Variants in SYNPO observed in about 807,000 individuals in gnomAD.
SYNPO encodes the protein synaptopodin.
SYNPO carries 19 observed loss-of-function variants against 49.5 expected under a neutral mutation model. That is an observed-to-expected ratio of 0.38 (90% CI 0.27 to 0.56). The LOEUF is 0.56. Ranked by LOEUF, SYNPO falls within the 20% of genes least tolerant of loss-of-function variation. The probability of loss-of-function intolerance (pLI) is 0.68; values close to 1 mark genes in which losing one functional copy is unlikely to be tolerated. For missense variants in SYNPO, 1,131 were observed against 1,248.3 expected (o/e 0.91, Z 1.42); for synonymous variants, 536 against 548.0 (o/e 0.98, Z 0.31).
chr5:150,635,598 A>G (rs1407823761), intron 2 of SYNPO, among the ~76,000 whole-genome samples: 5 of 152,092 alleles, frequency 3.3e-5, no homozygotes, highest in Admixed American at 1.3e-4. Flanking sequence ...CCCCTCAGAT[A>G]GCTGGGATTA....
At chr5:150,631,420 A>G (rs1354310154) in intron 2 of SYNPO, among the ~76,000 whole-genome samples, 2 of 152,136 alleles carry the variant, frequency 1.3e-5, no homozygotes, top group African/African-American at 4.8e-5. Context: ...GAGCTCTAGG[A>G]AAAGGAGCAG....
At chr5:150,636,132 C>T (rs1351184724), upstream of SYNPO, among the ~76,000 whole-genome samples, 8 of 152,296 alleles carry the variant, frequency 5.3e-5, no homozygotes, top group South Asian at 4.1e-4. Context: ...TGCCTGTGAA[C>T]GGTGCCTGGC....
intron 2 of SYNPO, among the ~76,000 whole-genome samples, chr5:150,632,882 G>A (rs1033266438): frequency 1.3e-5 from 2 of 152,282 alleles, no homozygotes; most frequent in Admixed American, 1.3e-4. Flanking sequence ...CCCTCCTAGC[G>A]TGGCCTTCAT....
At chr5:150,618,132 C>T (rs533021569) in exon 2 of SYNPO, 15 of 487,042 alleles carry the variant, frequency 3.1e-5, no homozygotes, top group Non-Finnish European at 4.2e-5. Flanking sequence ...ACACCAGAGA[C>T]GGGTTAAGAA....
At chr5:150,628,057 T>TGTGTGTGTGTGTGG (rs979682145) in intron 2 of SYNPO, among the ~76,000 whole-genome samples, 2 of 147,056 alleles carry the variant, frequency 1.4e-5, no homozygotes, top group African/African-American at 5.3e-5. Context: ...TGTGTGTGTG[T>TGTGTGTGTGTGTGG]GTGTGTGTGG....
At chr5:150,650,465 C>A (rs1312817848) in intron 2 of SYNPO, 162 bp downstream of exon 2, 1 of 1,517,286 alleles carries the variant, frequency 6.6e-7, no homozygotes, top group Non-Finnish European at 8.9e-7. Context: ...TCAGATGCGG[C>A]CACCAGCTGG....
rs370323025 is a variant in SYNPO at position 150,648,823 on chromosome 5, C to G, written c.548C>G (p.Pro183Arg). ...EATLIPSSRP[P>R]ASDFMSSSLL... ...ACGCTCATCCCCAGCTCCAGGCCCCCAGCCTCAGATTTCATGTCCAGCTCC... is the reference window on the plus strand; with the variant it reads ...ACGCTCATCCCCAGCTCCAGGCCCCGAGCCTCAGATTTCATGTCCAGCTCC... Residue 183 changes from proline to arginine, a missense_variant, in exon 2 of 3, where the codon CCA (proline) becomes CGA (arginine). Coordinates refer to ENST00000307662, the MANE Select transcript of SYNPO (RefSeq NM_007286.6). This position sits in a 1 kb window ranked among gnomAD's most constrained non-coding sequence, Gnocchi z 5.0. 1 of 1,614,252 alleles carries G rather than the reference C, an allele frequency of 6.2e-7. No homozygotes were observed. The highest frequency in any genetic ancestry group is 8.5e-7 in the Non-Finnish European group (1 of 1,180,042).
At chr5:150,592,019 G>C in the SYNPO span, among the ~76,000 whole-genome samples, 3 of 152,164 alleles carry the variant, frequency 2.0e-5, no homozygotes, top group Non-Finnish European at 2.9e-5. Flanking sequence ...TACAAAATTG[G>C]CTGGGCATGG....
At chr5:150,635,328 A>G (rs1346119502) in intron 2 of SYNPO, among the ~76,000 whole-genome samples, 1 of 152,188 alleles carries the variant, frequency 6.6e-6, no homozygotes, top group Non-Finnish European at 1.5e-5. Flanking sequence ...GCAGAGGAGG[A>G]TGTGCTGCTG....
In SYNPO at chr5:150,658,703, G is replaced by A. The variant is rs33409; in HGVS notation, c.*1616G>A. 69,672 of 152,264 alleles carry A rather than the reference G, an allele frequency of 0.46. 16,169 individuals carry two copies. The highest frequency in any genetic ancestry group is 0.48 in the Admixed American group (7,351 of 15,284). 9.4% of individuals were successfully genotyped at this position (152,264 alleles called of 1,614,324 possible). On this transcript the variant is annotated 3_prime_UTR_variant, in exon 3 of 3. Transcript: ENST00000307662. ...GGACAGTTTGGGTTTGGGACTTACC[G>A]GGGTGATGTTAGATCTGGAACCCCC... is the stretch of plus-strand genomic sequence containing the variant.
intron 2 of SYNPO, chr5:150,650,728 C>T (rs1758346528): frequency 7.5e-7 from 1 of 1,328,044 alleles, no homozygotes; most frequent in Admixed American, 3.6e-5. Flanking sequence ...CAGACAGAGC[C>T]TGCCAGTGCC....
intron 1 of SYNPO, among the ~76,000 whole-genome samples, chr5:150,607,187 G>A (rs1334931691): frequency 6.6e-6 from 1 of 152,096 alleles, no homozygotes; most frequent in African/African-American, 2.4e-5. Context: ...ACAGGATGTG[G>A]GAGATATGGC....
chr5:150,619,768 G>A (rs1003157171), intron 2 of SYNPO, among the ~76,000 whole-genome samples: 5 of 152,164 alleles, frequency 3.3e-5, no homozygotes, highest in Non-Finnish European at 5.9e-5. Context: ...GTTGACGCCC[G>A]GCTGGCATCT....
Position 150,656,967 on chromosome 5 carries a change from C to T in SYNPO, c.2592C>T (p.Ser864=), listed in dbSNP as rs376317429. 1.1e-5 allele frequency: 17 copies of T among 1,591,872 alleles called. No homozygotes were observed. The highest frequency in any genetic ancestry group is 2.7e-5 in the African/African-American group (2 of 74,482). ...CGGACTCCGACGTGTCCCTCGACTC[C>T]GAGGACTCCGGGGCTAAGTCTCCAG... ...SPTDSDVSLD[S]EDSGAKSPGI... The change falls in exon 3 of 3, where the codon TCC becomes TCT. Residue 864 remains serine (S), a synonymous_variant. Transcript: ENST00000307662.
rs1452062917 is a variant in SYNPO at position 150,657,428 on chromosome 5, TCTCTCACACACACA to T, written c.*343_*356del. The T allele has an allele frequency of 1.2e-4, 21 of 169,306 alleles. No homozygotes were observed. The East Asian group carries it at 1.8e-3, about 15-fold the overall frequency. The allele number at this position is 169,306 out of a possible 1,614,324, so 10.5% of individuals were successfully genotyped here. On this transcript the variant is annotated 3_prime_UTR_variant, in exon 3 of 3. Transcript: ENST00000307662. ...CACACTCTCTCTTTCTCTCTCTCTC[TCTCTCACACACACA>T]CACACACACACACACACACACACAC...
the SYNPO span, among the ~76,000 whole-genome samples, chr5:150,588,645 G>A: frequency 6.6e-5 from 10 of 151,958 alleles, no homozygotes; most frequent in Non-Finnish European, 1.3e-4. Flanking sequence ...TATGGCAGAG[G>A]TTAGGGGTGG....
At chr5:150,611,853 C>T (rs573081448) in intron 1 of SYNPO, among the ~76,000 whole-genome samples, 5 of 152,340 alleles carry the variant, frequency 3.3e-5, no homozygotes, top group African/African-American at 1.2e-4. Flanking sequence ...GTAGCAGCAA[C>T]CTTGCTGCTA....
chr5:150,651,864 G>A, intron 2 of SYNPO: 1 of 1,000,478 alleles, frequency 1.0e-6, no homozygotes. Context: ...ATATGATACA[G>A]CCCCCGACCA....
intron 1 of SYNPO, among the ~76,000 whole-genome samples, chr5:150,646,761 G>A (rs943398214): frequency 5.4e-5 from 8 of 148,388 alleles, no homozygotes; most frequent in Admixed American, 2.6e-4. Context: ...AAAAGCAGAC[G>A]GTGGTTTATT....
Sources: gnomAD v4.1 joint callset for allele counts (sites outside exome capture counted in the v4.1 genomes callset) on GRCh38, gnomAD v4.1.1 for gene constraint, Gnocchi (gnomAD v3.1) non-coding constraint, MANE v1.5 for transcripts, NCBI Gene and HGNC (gene_info 2026-07-23, HGNC 2026-07-21) for gene names.